Variants in CRIM1 observed in about 807,000 individuals in gnomAD.
CRIM1 encodes the protein cysteine-rich motor neuron 1 protein.
Under a neutral mutation model 116.4 loss-of-function variants are expected in CRIM1, and 32 were observed. The observed-to-expected ratio is 0.27, with a 90% CI of 0.21 to 0.37. The LOEUF (loss-of-function observed/expected upper bound fraction) is 0.37. Among genes scored for constraint, CRIM1 ranks in the 10% least tolerant of loss-of-function variants. The pLI is 1.00. For synonymous variants in CRIM1, 590 were observed against 509.2 expected (o/e 1.16, Z -2.13); for missense variants, 1,331 against 1,354.8 (o/e 0.98, Z 0.28).
chr2:36,470,829 T>C (rs772413132), intron 5 of CRIM1, among the ~76,000 whole-genome samples: 7 of 152,202 alleles, frequency 4.6e-5, no homozygotes, highest in Non-Finnish European at 8.8e-5. Context: ...AGATAGTCAT[T>C]CCTCTGATGG....
In CRIM1 at chr2:36,394,533, T is replaced by G. The variant is rs190785794; in HGVS notation, c.332-2081T>G. On this transcript the variant is annotated intron_variant, in intron 1 of 16. Transcript: ENST00000280527. ...TTTCAGAGTACTTTACTAATTTCAT[T>G]GTTGTCTTGAAGATAGGAATGTACC... is the stretch of plus-strand genomic sequence containing the variant. Among the ~76,000 whole-genome samples the G allele has an allele frequency of 9.2e-4, 140 of 152,198 alleles. 1 individual carries two copies. Among genetic ancestry groups the G allele is most frequent in the Middle Eastern group, 6.8e-3 (2 of 294 alleles).
chr2:36,445,133 T>C (rs1558592649), intron 4 of CRIM1, among the ~76,000 whole-genome samples: 1 of 152,164 alleles, frequency 6.6e-6, no homozygotes, highest in African/African-American at 2.4e-5. Context: ...AAACAGGCCC[T>C]CTCTTAGCCA....
intron 7 of CRIM1, among the ~76,000 whole-genome samples, chr2:36,486,607 G>A (rs528707264): frequency 3.9e-5 from 6 of 152,216 alleles, no homozygotes; most frequent in Admixed American, 2.0e-4. Context: ...TTTCCCTGTT[G>A]AAGTGGCGTG....
intron 1 of CRIM1, among the ~76,000 whole-genome samples, chr2:36,359,449 C>T (rs1373961897): frequency 6.6e-6 from 1 of 152,098 alleles, no homozygotes; most frequent in Non-Finnish European, 1.5e-5. Context: ...CTGCAGTTCA[C>T]AAAATGAGTT....
intron 5 of CRIM1, among the ~76,000 whole-genome samples, chr2:36,465,037 G>T (rs1558333165): frequency 1.3e-5 from 2 of 152,148 alleles, no homozygotes; most frequent in African/African-American, 4.8e-5. Context: ...ACTGCATTGG[G>T]CCTGCCACAC....
intron 1 of CRIM1, among the ~76,000 whole-genome samples, chr2:36,365,202 T>C (rs895760880): frequency 6.6e-6 from 1 of 152,230 alleles, no homozygotes; most frequent in Admixed American, 6.5e-5. Context: ...TTCAGCAGAA[T>C]GTGAACACTT....
chr2:36,420,892 C>T (rs2124857904), intron 2 of CRIM1, among the ~76,000 whole-genome samples: 1 of 152,266 alleles, frequency 6.6e-6, no homozygotes, highest in South Asian at 2.1e-4. Context: ...CTTCATTTTT[C>T]AGCCATTTAG....
intron 2 of CRIM1, among the ~76,000 whole-genome samples, chr2:36,440,943 C>T (rs1675770721): frequency 6.6e-6 from 1 of 152,192 alleles, no homozygotes; most frequent in Non-Finnish European, 1.5e-5. Context: ...GTCCAGTTTT[C>T]AGATTCTCCA....
chr2:36,467,368 A>G (rs543512306), intron 5 of CRIM1, among the ~76,000 whole-genome samples: 1 of 152,336 alleles, frequency 6.6e-6, no homozygotes, highest in East Asian at 1.9e-4. Flanking sequence ...CTTTTGATAT[A>G]TACATTCATA....
rs1670945832 is a variant in CRIM1, at chr2:36,383,547, TACTC to T, written c.332-13065_332-13062del. Among the ~76,000 whole-genome samples the T allele has an allele frequency of 2.0e-5, 3 of 152,246 alleles. No individual in the cohort carries two copies. In the South Asian group the frequency reaches 6.2e-4, roughly 31 times the overall value. On this transcript the variant is annotated intron_variant, in intron 1 of 16. Coordinates refer to ENST00000280527, the MANE Select transcript of CRIM1 (RefSeq NM_016441.3). The stretch of plus-strand genomic sequence containing the variant: ...CTAGTTATGTCGTAGAGCAGTCACT[TACTC>T]ATTTATTTACTTCAGCAAGTGGATA...
chr2:36,435,650 A>T (rs1015309953), intron 2 of CRIM1, among the ~76,000 whole-genome samples: 5 of 151,818 alleles, frequency 3.3e-5, no homozygotes, highest in African/African-American at 1.2e-4. Flanking sequence ...CAATGGCAAA[A>T]ACAGCGATTG....
Position 36,356,631 on chromosome 2 carries a change from C to T in CRIM1, c.331+8C>T. ...AAGCGGGCGTTTGCGAAGGTACGGC[C>T]GCCCGCTGCGGGCCCCCTCCCACCT... On this transcript the variant is annotated splice_region_variant and intron_variant, in intron 1 of 16. Coordinates refer to ENST00000280527, the MANE Select transcript of CRIM1 (RefSeq NM_016441.3). The surrounding 1 kb of genome is among the most constrained non-coding windows in gnomAD (Gnocchi z 4.3). The T allele has an allele frequency of 5.6e-6, 9 of 1,599,350 alleles. No homozygotes were observed. The highest frequency in any genetic ancestry group is 2.2e-5 in the South Asian group (2 of 89,772).
intron 1 of CRIM1, among the ~76,000 whole-genome samples, chr2:36,387,622 T>C (rs1671262538): frequency 1.3e-5 from 2 of 152,184 alleles, no homozygotes; most frequent in Non-Finnish European, 2.9e-5. Context: ...AACATGTAAA[T>C]GGGCATTAAA....
chr2:36,431,760 C>T (rs1674322351), intron 2 of CRIM1, among the ~76,000 whole-genome samples: 1 of 152,174 alleles, frequency 6.6e-6, no homozygotes. Flanking sequence ...GCTCTCAGAA[C>T]ATCTGGTTGG....
At chr2:36,379,954 G>A (rs1017285914) in intron 1 of CRIM1, among the ~76,000 whole-genome samples, 3 of 150,544 alleles carry the variant, frequency 2.0e-5, no homozygotes, top group African/African-American at 7.3e-5. Context: ...ACATTTAGTT[G>A]AAGTACAGTT....
At chr2:36,507,346 G>C (rs552399896) in intron 8 of CRIM1, among the ~76,000 whole-genome samples, 4 of 152,324 alleles carry the variant, frequency 2.6e-5, no homozygotes, top group Admixed American at 2.6e-4. Context: ...ATCAGAGTAA[G>C]TTATTTTCAT....
chr2:36,452,487 C>A (rs1676808948), intron 4 of CRIM1, among the ~76,000 whole-genome samples: 1 of 152,140 alleles, frequency 6.6e-6, no homozygotes, highest in African/African-American at 2.4e-5. Context: ...CTATATTAAA[C>A]TCTGATGTTT....
chr2:36,531,687 C>A, intron 13 of CRIM1: 2 of 285,242 alleles, frequency 7.0e-6, no homozygotes, highest in Non-Finnish European at 1.4e-5. Flanking sequence ...AGAAGTTAAC[C>A]GGAAAGGAAT....
chr2:36,424,448 G>T (rs551097735), intron 2 of CRIM1, among the ~76,000 whole-genome samples: 1 of 152,108 alleles, frequency 6.6e-6, no homozygotes, highest in Non-Finnish European at 1.5e-5. Context: ...TGGCCAGATG[G>T]GTGAATGTTG....
Sources: allele counts gnomAD v4.1 joint callset (sites outside exome capture counted in the v4.1 genomes callset), GRCh38; gene constraint gnomAD v4.1.1; non-coding constraint Gnocchi (gnomAD v3.1); transcripts MANE v1.5; gene names NCBI Gene and HGNC (gene_info 2026-07-23, HGNC 2026-07-21).